Variants in B4GALT6 observed in about 807,000 individuals in gnomAD.
B4GALT6 encodes the protein UDP-Gal:beta-GlcNAc beta-1,4-galactosyltransferase 6.
B4GALT6 carries 14 observed loss-of-function variants against 46.3 expected under a neutral mutation model. The ratio of observed to expected loss-of-function variants is 0.30; its 90% CI spans 0.20 to 0.47. The LOEUF (loss-of-function observed/expected upper bound fraction) is 0.47. B4GALT6 is among the 20% of genes least tolerant of loss of function. B4GALT6 has a pLI of 0.99. For missense variants in B4GALT6, 386 were observed against 480.1 expected (o/e 0.80, Z 1.83); for synonymous variants, 168 against 162.0 (o/e 1.04, Z -0.28).
At chr18:31,663,783 C>T (rs2074248105) in intron 2 of B4GALT6, among the ~76,000 whole-genome samples, 1 of 152,168 alleles carries the variant, frequency 6.6e-6, no homozygotes, top group Non-Finnish European at 1.5e-5. Context: ...TCCATCTCTC[C>T]CAGAGGCCTA....
intron 6 of B4GALT6, among the ~76,000 whole-genome samples, chr18:31,630,423 T>A (rs993278073): frequency 4.5e-4 from 69 of 151,942 alleles, no homozygotes; most frequent in Non-Finnish European, 9.0e-4. Flanking sequence ...TTGGGTTTTT[T>A]TTTTTTATTA....
chr18:31,691,713 G>T, the B4GALT6 span, among the ~76,000 whole-genome samples: 1 of 151,982 alleles, frequency 6.6e-6, no homozygotes, highest in Non-Finnish European at 1.5e-5. Context: ...GCTTTAATGG[G>T]TTAATAATGA....
At chr18:31,717,110 G>T in the B4GALT6 span, among the ~76,000 whole-genome samples, 1 of 151,500 alleles carries the variant, frequency 6.6e-6, no homozygotes, top group African/African-American at 2.4e-5. Context: ...CTCAAAAAAA[G>T]AAAGAAAGAA....
At chr18:31,643,003 G>C (rs1272613548) in intron 4 of B4GALT6, among the ~76,000 whole-genome samples, 1 of 152,158 alleles carries the variant, frequency 6.6e-6, no homozygotes. Flanking sequence ...TAAGAATCAA[G>C]TTGATGACAG....
At chr18:31,689,089 C>T (rs965911644), upstream of B4GALT6, among the ~76,000 whole-genome samples, 1 of 152,176 alleles carries the variant, frequency 6.6e-6, no homozygotes, top group Non-Finnish European at 1.5e-5. Context: ...ACTATCTAGT[C>T]CTTGCTTGTC....
At position 31,658,303 on chromosome 18, in the gene B4GALT6, C is replaced by T; in HGVS notation, c.233-214G>A. The T allele has an allele frequency of 9.5e-6, 4 of 420,964 alleles. No individual in the cohort carries two copies. In the South Asian group the frequency reaches 1.4e-4, roughly 15 times the overall value. 26.1% of individuals were successfully genotyped at this position (420,964 alleles called of 1,614,324 possible). ...CCCAAGAGACATCTAGAGAGCAGCA[C>T]ACCCTTATCCTTGCACACAGACATG... On this transcript the variant is annotated intron_variant, in intron 2 of 8. Transcript: ENST00000306851.
chr18:31,641,144 A>G (rs1401337825), intron 4 of B4GALT6, among the ~76,000 whole-genome samples: 1 of 152,228 alleles, frequency 6.6e-6, no homozygotes, highest in Non-Finnish European at 1.5e-5. Flanking sequence ...CCAATTAAAG[A>G]CAGTGCATAT....
At chr18:31,710,536 A>G in the B4GALT6 span, among the ~76,000 whole-genome samples, 1 of 152,174 alleles carries the variant, frequency 6.6e-6, no homozygotes, top group Non-Finnish European at 1.5e-5. Flanking sequence ...TGGATGATGC[A>G]CTACAAGCCA....
At chr18:31,691,094 CATGAATACCT>C in the B4GALT6 span, among the ~76,000 whole-genome samples, 1 of 151,916 alleles carries the variant, frequency 6.6e-6, no homozygotes, top group African/African-American at 2.4e-5. Context: ...CACCATGGCA[CATGAATACCT>C]ATGTATACCT....
At chr18:31,685,442 C>A (rs528588612), upstream of B4GALT6, among the ~76,000 whole-genome samples, 340 of 151,480 alleles carry the variant, frequency 2.2e-3, no homozygotes, top group African/African-American at 7.2e-3. Flanking sequence ...GAGACCCCTG[C>A]GCGCTTCGCG....
the B4GALT6 span, among the ~76,000 whole-genome samples, chr18:31,707,926 A>G: frequency 2.0e-5 from 3 of 152,194 alleles, no homozygotes; most frequent in African/African-American, 4.8e-5. Context: ...TCTTAAATCT[A>G]TTATTCTTTC....
chr18:31,627,462 T>A (rs1248434733), intron 6 of B4GALT6, among the ~76,000 whole-genome samples: 2 of 152,136 alleles, frequency 1.3e-5, no homozygotes, highest in Non-Finnish European at 2.9e-5. Context: ...AATATATTTA[T>A]AATGGTCAAT....
the B4GALT6 span, among the ~76,000 whole-genome samples, chr18:31,701,803 T>C: frequency 6.6e-6 from 1 of 152,114 alleles, no homozygotes; most frequent in African/African-American, 2.4e-5. Flanking sequence ...AGTTAAGTTA[T>C]AAATCAATGC....
the B4GALT6 span, chr18:31,718,889 T>G: frequency 1.3e-5 from 2 of 152,326 alleles, no homozygotes; most frequent in Admixed American, 6.5e-5. Context: ...AAAAGTTTTT[T>G]GGGGAATGTG....
At chr18:31,694,523 T>G in the B4GALT6 span, among the ~76,000 whole-genome samples, 1 of 152,200 alleles carries the variant, frequency 6.6e-6, no homozygotes, top group African/African-American at 2.4e-5. Context: ...ACTCTGCAGT[T>G]AGTTGAAACA....
At chr18:31,658,341 G>T in intron 2 of B4GALT6, 1 of 297,104 alleles carries the variant, frequency 3.4e-6, no homozygotes. Context: ...AGTCCCACTT[G>T]CAACCATGTG....
intron 3 of B4GALT6, among the ~76,000 whole-genome samples, chr18:31,651,101 A>G (rs1330505022): frequency 6.8e-6 from 1 of 146,410 alleles, no homozygotes; most frequent in Admixed American, 6.7e-5. Flanking sequence ...GATCATCTGA[A>G]TCACACTTAA....
In B4GALT6 at chr18:31,676,733, C is replaced by T. The variant is rs1010564178; in HGVS notation, c.115+7579G>A. ...AATCAATTTAGAAAAGTATGTAGCA[C>T]TATTTTTTCCCCACCATTTGGGGTA... On this transcript the variant is annotated intron_variant, in intron 1 of 8. Transcript: ENST00000306851. Among the ~76,000 whole-genome samples the T allele has an allele frequency of 1.2e-4, 18 of 152,154 alleles. 1 individual carries two copies. Among genetic ancestry groups the T allele is most frequent in the African/African-American group, 4.3e-4 (18 of 41,448 alleles).
chr18:31,666,412 A>C (rs1296760543), intron 1 of B4GALT6, 40 bp from the exon 2 acceptor site: 2 of 992,572 alleles, frequency 2.0e-6, no homozygotes, highest in Admixed American at 4.7e-5. Flanking sequence ...ATAACACAGT[A>C]AGCTTTTTTT....
Sources: gnomAD v4.1 joint callset for allele counts (sites outside exome capture counted in the v4.1 genomes callset) on GRCh38, gnomAD v4.1.1 for gene constraint, MANE v1.5 for transcripts, NCBI Gene and HGNC (gene_info 2026-07-23, HGNC 2026-07-21) for gene names.